TBC1D22A: variants seen among roughly 807,000 people sequenced by gnomAD.
The protein encoded by TBC1D22A is putative GTPase activator.
In TBC1D22A, 38 loss-of-function variants were observed where a neutral mutation model predicts 60.2. The observed-to-expected ratio is 0.63, with a 90% CI of 0.49 to 0.83. The LOEUF is 0.83. Among genes scored for constraint, TBC1D22A ranks in the 40% least tolerant of loss-of-function variants. The pLI, the probability that TBC1D22A is intolerant of heterozygous loss-of-function variation, is 0.00. For missense variants in TBC1D22A, 628 were observed against 701.0 expected, an observed-to-expected ratio of 0.90 and a Z score of 1.18; for synonymous variants, 302 against 281.7, an observed-to-expected ratio of 1.07 and a Z score of -0.72.
At chr22:47,056,942 G>T (rs962508305) in intron 11 of TBC1D22A, among the ~76,000 whole-genome samples, 2 of 152,212 alleles carry the variant, frequency 1.3e-5, no homozygotes, top group African/African-American at 4.8e-5. Flanking sequence ...GCGGGCTGCA[G>T]TCACAGGGAG....
At chr22:47,171,615 C>G (rs1452977991) in intron 12 of TBC1D22A, among the ~76,000 whole-genome samples, 2 of 152,222 alleles carry the variant, frequency 1.3e-5, no homozygotes, top group Non-Finnish European at 2.9e-5. Flanking sequence ...CCACTCAGCC[C>G]TCTCTGATCC....
At chr22:47,101,445 C>T (rs1412462887) in intron 11 of TBC1D22A, among the ~76,000 whole-genome samples, 1 of 152,246 alleles carries the variant, frequency 6.6e-6, no homozygotes, top group Non-Finnish European at 1.5e-5. Context: ...TTCTCCGTCT[C>T]TCTAGACCTT....
At chr22:47,045,147 G>A (rs895773324) in intron 11 of TBC1D22A, among the ~76,000 whole-genome samples, 4 of 152,212 alleles carry the variant, frequency 2.6e-5, no homozygotes, top group South Asian at 2.1e-4. Flanking sequence ...GCGCTGACTC[G>A]TACATTTATG....
intron 1 of TBC1D22A, among the ~76,000 whole-genome samples, chr22:46,774,510 T>C (rs1250079061): frequency 6.6e-6 from 1 of 152,222 alleles, no homozygotes; most frequent in Non-Finnish European, 1.5e-5. Flanking sequence ...AGAATACCTG[T>C]GGGTTTCCTT....
chr22:46,847,574 C>T (rs903438737), intron 4 of TBC1D22A, among the ~76,000 whole-genome samples: 26 of 152,196 alleles, frequency 1.7e-4, no homozygotes, highest in Non-Finnish European at 2.8e-4. Context: ...ACTGTGTGGA[C>T]GTGTCTGTAG....
intron 8 of TBC1D22A, among the ~76,000 whole-genome samples, chr22:46,927,703 G>C (rs1241009364): frequency 6.6e-6 from 1 of 152,130 alleles, no homozygotes; most frequent in African/African-American, 2.4e-5. Context: ...GAATCCACTA[G>C]AAAACTATGA....
chr22:47,073,845 A>G (rs547609039), intron 11 of TBC1D22A, among the ~76,000 whole-genome samples: 1 of 152,316 alleles, frequency 6.6e-6, no homozygotes, highest in Admixed American at 6.5e-5. Context: ...ACTATGATTC[A>G]GGCTGGGCAC....
intron 12 of TBC1D22A, among the ~76,000 whole-genome samples, chr22:47,130,562 GTCCAGCA>G (rs1428869160): frequency 1.3e-5 from 2 of 152,206 alleles, no homozygotes; most frequent in Non-Finnish European, 2.9e-5. Flanking sequence ...CTCTTACAGT[GTCCAGCA>G]TTGCTTCTGA....
intron 8 of TBC1D22A, among the ~76,000 whole-genome samples, chr22:46,966,104 C>T (rs933126384): frequency 1.3e-5 from 2 of 152,230 alleles, no homozygotes; most frequent in Admixed American, 6.5e-5. Flanking sequence ...CCGCATCACG[C>T]TCCCCACAAG....
intron 11 of TBC1D22A, among the ~76,000 whole-genome samples, chr22:47,075,243 C>T (rs1427960651): frequency 9.7e-6 from 1 of 103,522 alleles, no homozygotes; most frequent in South Asian, 3.5e-4. Flanking sequence ...AAAAGAGAAC[C>T]AAAGTACTAA....
At chr22:47,091,674 C>T (rs1262748709) in intron 11 of TBC1D22A, among the ~76,000 whole-genome samples, 1 of 152,120 alleles carries the variant, frequency 6.6e-6, no homozygotes, top group Non-Finnish European at 1.5e-5. Context: ...TCAGCCTTCA[C>T]AAAGCAGTGC....
intron 11 of TBC1D22A, among the ~76,000 whole-genome samples, chr22:47,072,906 C>T (rs2064061813): frequency 1.3e-5 from 2 of 152,204 alleles, no homozygotes; most frequent in Non-Finnish European, 2.9e-5. Context: ...CAGCTGCAGA[C>T]AAGGGAGGGT....
chr22:47,066,555 G>T, intron 11 of TBC1D22A, among the ~76,000 whole-genome samples: 1 of 152,206 alleles, frequency 6.6e-6, no homozygotes, highest in East Asian at 1.9e-4. Context: ...GCGGAGGGAG[G>T]CTGGGAAGCA....
chr22:47,052,359 G>A (rs2063253766), intron 11 of TBC1D22A, among the ~76,000 whole-genome samples: 1 of 152,244 alleles, frequency 6.6e-6, no homozygotes, highest in Admixed American at 6.5e-5. Context: ...CCCCTGGGAG[G>A]GGCAGGCACA....
At chr22:46,951,080 C>T (rs117402222) in intron 8 of TBC1D22A, among the ~76,000 whole-genome samples, 1 of 152,190 alleles carries the variant, frequency 6.6e-6, no homozygotes, top group Non-Finnish European at 1.5e-5. Context: ...TGTCCCTGTA[C>T]GTGGCATTGG....
At chr22:46,941,232 C>CACACACACAT (rs2072027989) in intron 8 of TBC1D22A, among the ~76,000 whole-genome samples, 1 of 131,264 alleles carries the variant, frequency 7.6e-6, no homozygotes, top group South Asian at 2.4e-4. Flanking sequence ...CACACACACA[C>CACACACACAT]ACACAGTCCA....
At chr22:47,096,073 A>G (rs1603263453) in intron 11 of TBC1D22A, among the ~76,000 whole-genome samples, 1 of 152,258 alleles carries the variant, frequency 6.6e-6, no homozygotes, top group South Asian at 2.1e-4. Flanking sequence ...ACATGTAGAT[A>G]ATAGTCTAAT....
chr22:47,103,802 G>A (rs574973961), intron 11 of TBC1D22A, among the ~76,000 whole-genome samples: 7 of 152,032 alleles, frequency 4.6e-5, no homozygotes, highest in African/African-American at 1.7e-4. Flanking sequence ...CCTGTTTAAC[G>A]GGTCTGGAGA....
chr22:46,900,444 C>T (rs2068927159), intron 7 of TBC1D22A, among the ~76,000 whole-genome samples: 1 of 152,068 alleles, frequency 6.6e-6, no homozygotes, highest in South Asian at 2.1e-4. Flanking sequence ...GTAACTGTGC[C>T]CGGCTTGACA....
Sources: gnomAD v4.1 joint callset for allele counts (sites outside exome capture counted in the v4.1 genomes callset) on GRCh38, gnomAD v4.1.1 for gene constraint, MANE v1.5 for transcripts, NCBI Gene and HGNC (gene_info 2026-07-23, HGNC 2026-07-21) for gene names.